NRXN1: variants seen among roughly 807,000 people sequenced by gnomAD.
NRXN1 encodes the protein neurexin-1.
NRXN1 carries 39 observed loss-of-function variants against 150.9 expected under a neutral mutation model. The observed-to-expected ratio is 0.26, with a 90% confidence interval of 0.20 to 0.34. NRXN1 has a LOEUF of 0.34. Among genes scored for constraint, NRXN1 ranks in the 10% least tolerant of loss-of-function variants. NRXN1 has a pLI of 1.00. For synonymous variants in NRXN1, 924 were observed against 757.0 expected, an observed-to-expected ratio of 1.22 and a Z score of -3.62; for missense variants, 1,815 against 1,949.9, an observed-to-expected ratio of 0.93 and a Z score of 1.30.
At chr2:50,629,732 A>G (rs2059308) in intron 5 of NRXN1, among the ~76,000 whole-genome samples, 83,252 of 151,442 alleles carry the variant, frequency 0.55, 23,099 homozygotes, top group East Asian at 0.65. Flanking sequence ...TAATGCTACT[A>G]TTAATAGTAA....
chr2:50,827,758 C>A (rs967434775), intron 5 of NRXN1, among the ~76,000 whole-genome samples: 1 of 151,294 alleles, frequency 6.6e-6, no homozygotes, highest in East Asian at 1.9e-4. Context: ...TGCGGCCTTC[C>A]GCAGTGTTTG....
intron 5 of NRXN1, chr2:50,624,713 C>T (rs1680694742): frequency 6.6e-6 from 1 of 151,924 alleles, no homozygotes; most frequent in African/African-American, 2.4e-5. Flanking sequence ...GATGGTAGGG[C>T]TGGCTGTTAT....
intron 17 of NRXN1, among the ~76,000 whole-genome samples, chr2:50,463,652 G>A (rs371871514): frequency 8.6e-5 from 13 of 151,742 alleles, no homozygotes; most frequent in African/African-American, 3.1e-4. Context: ...TGATACTTAT[G>A]GTTGTATCTT....
chr2:50,365,500 A>G (rs1001642728), intron 17 of NRXN1, among the ~76,000 whole-genome samples: 1 of 152,204 alleles, frequency 6.6e-6, no homozygotes, highest in East Asian at 1.9e-4. Context: ...GAAAGTTACA[A>G]ATTTTCTATA....
At chr2:50,843,659 T>G (rs549399369) in intron 5 of NRXN1, among the ~76,000 whole-genome samples, 1 of 152,226 alleles carries the variant, frequency 6.6e-6, no homozygotes, top group African/African-American at 2.4e-5. Context: ...TCCAGGTTAC[T>G]GTTTACATTA....
At chr2:50,313,213 G>A (rs906324369) in intron 17 of NRXN1, among the ~76,000 whole-genome samples, 2 of 151,876 alleles carry the variant, frequency 1.3e-5, no homozygotes, top group Non-Finnish European at 1.5e-5. Context: ...AATCAAGGAT[G>A]GTGAATAACT....
At chr2:50,417,483 G>A (rs1289248464) in intron 17 of NRXN1, among the ~76,000 whole-genome samples, 2 of 151,926 alleles carry the variant, frequency 1.3e-5, no homozygotes, top group Non-Finnish European at 2.9e-5. Flanking sequence ...TTTTGACAAT[G>A]TTAAAACCCT....
At chr2:50,399,033 T>A (rs1328510987) in intron 17 of NRXN1, among the ~76,000 whole-genome samples, 4 of 152,168 alleles carry the variant, frequency 2.6e-5, no homozygotes, top group African/African-American at 9.7e-5. Context: ...CAGGACTGAT[T>A]GGAGGTCATA....
At chr2:50,205,765 T>G (rs2062524219) in intron 18 of NRXN1, among the ~76,000 whole-genome samples, 1 of 152,152 alleles carries the variant, frequency 6.6e-6, no homozygotes, top group Non-Finnish European at 1.5e-5. Flanking sequence ...GGAATATTAT[T>G]CAGTATTTAA....
chr2:50,106,203 T>A (rs1459594008), intron 18 of NRXN1, among the ~76,000 whole-genome samples: 2 of 151,954 alleles, frequency 1.3e-5, no homozygotes, highest in African/African-American at 2.4e-5. Flanking sequence ...AACCTCTACA[T>A]TATTACCATC....
chr2:50,297,353 T>C (rs2073707392), intron 17 of NRXN1, among the ~76,000 whole-genome samples: 1 of 152,208 alleles, frequency 6.6e-6, no homozygotes. Context: ...AAATAAGAAG[T>C]AGTGCTCATC....
At chr2:50,238,311 C>A (rs149040163) in intron 17 of NRXN1, among the ~76,000 whole-genome samples, 3 of 152,100 alleles carry the variant, frequency 2.0e-5, no homozygotes, top group Non-Finnish European at 2.9e-5. Context: ...GTTTTCCTGC[C>A]TTTGCAGCTT....
chr2:50,288,423 G>A (rs1238722113), intron 17 of NRXN1, among the ~76,000 whole-genome samples: 1 of 152,058 alleles, frequency 6.6e-6, no homozygotes, highest in African/African-American at 2.4e-5. Context: ...GAAACTCTCA[G>A]ATAAAGACAT....
At chr2:50,775,162 T>A (rs1224931652) in intron 5 of NRXN1, among the ~76,000 whole-genome samples, 1 of 152,108 alleles carries the variant, frequency 6.6e-6, no homozygotes, top group Non-Finnish European at 1.5e-5. Context: ...ATATCTCCTA[T>A]CCTGCATTTC....
At chr2:50,948,420 CAATAAAA>C (rs1172054722) in intron 2 of NRXN1, among the ~76,000 whole-genome samples, 4 of 151,882 alleles carry the variant, frequency 2.6e-5, no homozygotes, top group Non-Finnish European at 5.9e-5. Flanking sequence ...ACAAAAGAAG[CAATAAAA>C]AACACACTTA....
chr2:50,108,475 G>T (rs1701961834), intron 18 of NRXN1, among the ~76,000 whole-genome samples: 1 of 151,924 alleles, frequency 6.6e-6, no homozygotes, highest in African/African-American at 2.4e-5. Flanking sequence ...ACTCAAACTT[G>T]GTCCTTTTTT....
chr2:50,129,691 C>G (rs920265388), intron 18 of NRXN1, among the ~76,000 whole-genome samples: 4 of 152,088 alleles, frequency 2.6e-5, no homozygotes, highest in Admixed American at 2.6e-4. Flanking sequence ...TTAAAAAAGG[C>G]AATCTTTATA....
At chr2:49,997,874 T>A (rs4404319) in intron 21 of NRXN1, among the ~76,000 whole-genome samples, 71,273 of 151,838 alleles carry the variant, frequency 0.47, 17,378 homozygotes, top group Middle Eastern at 0.62. Context: ...AGACTTCACA[T>A]AGGGAAAGGA....
chr2:50,584,352 G>C (rs1364128299), intron 8 of NRXN1, among the ~76,000 whole-genome samples: 1 of 152,132 alleles, frequency 6.6e-6, no homozygotes, highest in African/African-American at 2.4e-5. Context: ...TTCTAGGTCA[G>C]TCTTGATCAA....
Sources: allele counts gnomAD v4.1 joint callset (sites outside exome capture counted in the v4.1 genomes callset), GRCh38; gene constraint gnomAD v4.1.1; transcripts MANE v1.5; gene names NCBI Gene and HGNC (gene_info 2026-07-23, HGNC 2026-07-21).